Variants in C3orf70 observed in about 807,000 individuals in gnomAD.
C3orf70 encodes the protein UPF0524 protein C3orf70.
A neutral mutation model predicts 20.7 loss-of-function variants in C3orf70; 15 were observed. The observed-to-expected ratio is 0.72, with a 90% CI of 0.48 to 1.11. The LOEUF (loss-of-function observed/expected upper bound fraction) is 1.11, where lower values mean the gene tolerates loss of function less well. Among genes scored for constraint, C3orf70 ranks in the 50% most tolerant of loss-of-function variants. The pLI, the probability that C3orf70 is intolerant of heterozygous loss-of-function variation, is 0.00. For missense variants in C3orf70, 332 were observed against 317.6 expected, an observed-to-expected ratio of 1.05 and a Z score of -0.34; for synonymous variants, 161 against 125.7, an observed-to-expected ratio of 1.28 and a Z score of -1.88.
chr3:185,117,452 G>C (rs201070485), intron 1 of C3orf70, among the ~76,000 whole-genome samples: 1,790 of 74,470 alleles, frequency 0.024, 38 homozygotes, highest in African/African-American at 0.07. Flanking sequence ...CACACACACA[G>C]AAAGAGAGAG....
At chr3:185,113,080 A>G (rs1247117535) in intron 1 of C3orf70, among the ~76,000 whole-genome samples, 6 of 152,146 alleles carry the variant, frequency 3.9e-5, no homozygotes, top group Non-Finnish European at 7.4e-5. Flanking sequence ...AAGTAGGACC[A>G]TCTAATGTTT....
intron 1 of C3orf70, among the ~76,000 whole-genome samples, chr3:185,117,454 AAGAGAG>A (rs3072374): frequency 5.1e-4 from 73 of 142,020 alleles, no homozygotes; most frequent in Middle Eastern, 3.5e-3. Flanking sequence ...CACACACAGA[AAGAGAG>A]AGAGAGAGAG....
chr3:185,104,955 C>A (rs904128666), intron 1 of C3orf70, among the ~76,000 whole-genome samples: 1 of 152,042 alleles, frequency 6.6e-6, no homozygotes, highest in Non-Finnish European at 1.5e-5. Flanking sequence ...CACACATACC[C>A]CTGAACTTAA....
intron 1 of C3orf70, among the ~76,000 whole-genome samples, chr3:185,094,534 G>A (rs1008602364): frequency 2.0e-5 from 3 of 151,964 alleles, no homozygotes; most frequent in Non-Finnish European, 4.4e-5. Context: ...AGGGAGACGG[G>A]ATACAGTAAG....
chr3:185,114,765 G>A (rs190740955), intron 1 of C3orf70, among the ~76,000 whole-genome samples: 94 of 152,264 alleles, frequency 6.2e-4, no homozygotes, highest in Middle Eastern at 3.4e-3. Context: ...AAATGAGGCC[G>A]AATGACTTAA....
At chr3:185,141,935 A>T (rs1166464657) in intron 1 of C3orf70, among the ~76,000 whole-genome samples, 2 of 152,170 alleles carry the variant, frequency 1.3e-5, no homozygotes, top group Admixed American at 1.3e-4. Flanking sequence ...ACCATTTCTC[A>T]TGAAAAGGAA....
chr3:185,135,646 T>C (rs916829461), intron 1 of C3orf70, among the ~76,000 whole-genome samples: 5 of 152,278 alleles, frequency 3.3e-5, no homozygotes, highest in Middle Eastern at 3.4e-3. Context: ...AACGGAGAAC[T>C]TGAAATGCTC....
rs186520944 is a variant in C3orf70 at position 185,081,613 on chromosome 3, T to G, written c.*1394A>C. 6.6e-6 allele frequency: 1 copy of G among 152,286 alleles called. No homozygotes were observed. Among genetic ancestry groups the G allele is most frequent in the Non-Finnish European group, 1.5e-5 (1 of 68,034 alleles). The allele number at this position is 152,286 out of a possible 1,614,324, so 9.4% of individuals were successfully genotyped here. On this transcript the variant is annotated 3_prime_UTR_variant, in exon 2 of 2. Coordinates refer to ENST00000335012, the MANE Select transcript of C3orf70 (RefSeq NM_001025266.3). ...AAACTATGCCTCATGGATAGAAGGT[T>G]TGGAGAAATAGCAGTTAACTGACTC...
intron 1 of C3orf70, among the ~76,000 whole-genome samples, chr3:185,123,134 G>A (rs1393297955): frequency 6.3e-5 from 9 of 142,438 alleles, no homozygotes; most frequent in Non-Finnish European, 1.2e-4. Context: ...AGCCAAGATC[G>A]CGCCACTGCA....
At chr3:185,136,342 C>G (rs1716620367) in intron 1 of C3orf70, among the ~76,000 whole-genome samples, 3 of 152,170 alleles carry the variant, frequency 2.0e-5, no homozygotes, top group South Asian at 2.1e-4. Context: ...AATCTCAGCA[C>G]TTTGAGAGGC....
intron 1 of C3orf70, among the ~76,000 whole-genome samples, chr3:185,109,448 A>AC (rs1260960359): frequency 2.0e-5 from 3 of 151,858 alleles, no homozygotes; most frequent in Non-Finnish European, 2.9e-5. Flanking sequence ...GATCCCAAGG[A>AC]CCCCCCGGTT....
chr3:185,143,168 T>C (rs1716792557), intron 1 of C3orf70, among the ~76,000 whole-genome samples: 1 of 152,184 alleles, frequency 6.6e-6, no homozygotes, highest in South Asian at 2.1e-4. Flanking sequence ...TACTGATATA[T>C]TTCTCTTTTT....
rs1715370073 is a variant in C3orf70, at chr3:185,082,700, T to C, written c.*307A>G. On this transcript the variant is annotated 3_prime_UTR_variant, in exon 2 of 2. Transcript: ENST00000335012. ...GGTACCTCCTCAATCTGATCCAAGA[T>C]TCTCTGCGACCATCACTTCACCGCC... 3.2e-6 allele frequency: 1 copy of C among 307,916 alleles called. No individual in the cohort carries two copies. 19.1% of individuals were successfully genotyped at this position (307,916 alleles called of 1,614,324 possible). A position where few individuals can be genotyped will look rare whatever the true frequency, so the allele number is the denominator to read the frequency against.
chr3:185,083,626 A>G (rs2108585760), intron 1 of C3orf70, 63 bp from the exon 2 acceptor site: 2 of 1,373,546 alleles, frequency 1.5e-6, no homozygotes, highest in Non-Finnish European at 9.8e-7. Flanking sequence ...CATGGCCATA[A>G]TGGTTTCTGA....
intron 1 of C3orf70, among the ~76,000 whole-genome samples, chr3:185,127,686 C>A (rs926388506): frequency 6.6e-6 from 1 of 151,912 alleles, no homozygotes; most frequent in Non-Finnish European, 1.5e-5. Flanking sequence ...GTGATCCATC[C>A]GCCTCAGCCT....
At chr3:185,106,146 T>A (rs1715934566) in intron 1 of C3orf70, among the ~76,000 whole-genome samples, 1 of 152,164 alleles carries the variant, frequency 6.6e-6, no homozygotes, top group African/African-American at 2.4e-5. Context: ...CGCTCTAAGT[T>A]TTATTCAGGC....
chr3:185,110,456 C>A (rs531283628), intron 1 of C3orf70, among the ~76,000 whole-genome samples: 22 of 152,176 alleles, frequency 1.4e-4, no homozygotes, highest in Non-Finnish European at 2.9e-4. Context: ...AGATGTGGAT[C>A]CTGACTCCTG....
At chr3:185,104,910 T>A (rs749424381) in intron 1 of C3orf70, among the ~76,000 whole-genome samples, 1 of 152,088 alleles carries the variant, frequency 6.6e-6, no homozygotes, top group African/African-American at 2.4e-5. Context: ...TACAACGAAC[T>A]CCTATGGCAT....
chr3:185,139,178 G>GCAGAAAGGAGGAT, intron 1 of C3orf70, among the ~76,000 whole-genome samples: 1 of 151,156 alleles, frequency 6.6e-6, no homozygotes, highest in South Asian at 2.1e-4. Flanking sequence ...GAAAGGAGGA[G>GCAGAAAGGAGGAT]AAGGGGAGAG....
Sources: allele counts gnomAD v4.1 joint callset (sites outside exome capture counted in the v4.1 genomes callset), GRCh38; gene constraint gnomAD v4.1.1; transcripts MANE v1.5; gene names NCBI Gene and HGNC (gene_info 2026-07-23, HGNC 2026-07-21).